The following LARS2 variants were observed in gnomAD, a reference collection of about 807,000 sequenced individuals.
LARS2 encodes leucyl-tRNA synthetase 2, mitochondrial.
In LARS2, 81 loss-of-function variants were observed where a neutral mutation model predicts 116.6. That is an observed-to-expected ratio of 0.69 (90% CI 0.58 to 0.84). The LOEUF (loss-of-function observed/expected upper bound fraction) is 0.84. Among genes scored for constraint, LARS2 ranks in the 40% least tolerant of loss-of-function variants. The probability of loss-of-function intolerance (pLI) is 0.00; values close to 1 mark genes in which losing one functional copy is unlikely to be tolerated. For missense variants in LARS2, 968 were observed against 1,114.5 expected (o/e 0.87, Z 1.87); for synonymous variants, 396 against 407.2 (o/e 0.97, Z 0.33).
At chr3:45,526,909 T>G (rs1339383488) in intron 20 of LARS2, among the ~76,000 whole-genome samples, 3 of 152,162 alleles carry the variant, frequency 2.0e-5, no homozygotes, top group Non-Finnish European at 4.4e-5. Context: ...GAAAATAAGA[T>G]AAATGCAACA....
At chr3:45,492,774 T>G (rs1361731949) in intron 13 of LARS2, among the ~76,000 whole-genome samples, 1 of 152,180 alleles carries the variant, frequency 6.6e-6, no homozygotes, top group Non-Finnish European at 1.5e-5. Flanking sequence ...CTTCAATAAA[T>G]AGAAACTTTA....
intron 20 of LARS2, among the ~76,000 whole-genome samples, chr3:45,533,276 G>A (rs1428528827): frequency 4.1e-5 from 6 of 147,138 alleles, no homozygotes; most frequent in Admixed American, 7.0e-5. Context: ...TCAGCCTCCT[G>A]AGTAGCTGGG....
chr3:45,461,722 G>T (rs373550927), intron 8 of LARS2, among the ~76,000 whole-genome samples: 4 of 152,146 alleles, frequency 2.6e-5, no homozygotes, highest in Admixed American at 1.3e-4. Context: ...AAGTGAGTAG[G>T]TTAGAAAAAT....
chr3:45,530,562 T>C (rs1391076906), intron 20 of LARS2, among the ~76,000 whole-genome samples: 4 of 152,174 alleles, frequency 2.6e-5, no homozygotes, highest in Non-Finnish European at 5.9e-5. Context: ...CATGACTTAG[T>C]GTGTCTAACA....
At position 45,518,017 on chromosome 3, in the gene LARS2, A is replaced by G. The variant is rs762960792; in HGVS notation, c.2159A>G (p.Lys720Arg). Residue 720 changes from lysine to arginine, a missense_variant, in exon 18 of 22, where the codon AAG (lysine) becomes AGG (arginine). Physicochemically the swap from Lys to Arg is conservative, Grantham distance 26. Coordinates refer to ENST00000645846, the MANE Select transcript of LARS2 (RefSeq NM_015340.4). ...KSPQPQLLSN[K>R]EKAEARKLWE... The stretch of plus-strand genomic sequence containing the variant: ...CCCCAGCCTCAGCTGCTGAGTAACA[A>G]GGAGAAAGCTGAGGCCAGGAAGCTC... The G allele has an allele frequency of 1.9e-6, 3 of 1,613,890 alleles. No homozygotes were observed. Among genetic ancestry groups the G allele is most frequent in the Non-Finnish European group, 1.7e-6 (2 of 1,179,822 alleles).
intron 13 of LARS2, among the ~76,000 whole-genome samples, chr3:45,494,932 A>G (rs1438664785): frequency 6.6e-6 from 1 of 152,144 alleles, no homozygotes; most frequent in East Asian, 1.9e-4. Context: ...GCCGGGCATC[A>G]TGGCATGCAC....
intron 6 of LARS2, among the ~76,000 whole-genome samples, chr3:45,426,979 G>A (rs1340893918): frequency 6.6e-6 from 1 of 152,314 alleles, no homozygotes; most frequent in African/African-American, 2.4e-5. Context: ...CAGTTTTGGT[G>A]ATGGATCTGG....
At chr3:45,503,774 T>G (rs1354448141) in intron 15 of LARS2, among the ~76,000 whole-genome samples, 1 of 152,044 alleles carries the variant, frequency 6.6e-6, no homozygotes, top group Non-Finnish European at 1.5e-5. Context: ...AAATATCTGA[T>G]TATTTCCCTA....
rs984832026 is a variant in LARS2, at chr3:45,540,861, C to T, written c.2405-968C>T. ...ACTGCAGTGGGGGAATCATAGCTCACTACAGCCTCAAACTCCTGGGCTCAA... is the reference window on the plus strand; with the variant it reads ...ACTGCAGTGGGGGAATCATAGCTCATTACAGCCTCAAACTCCTGGGCTCAA... On this transcript the variant is annotated intron_variant, in intron 20 of 21. Transcript: ENST00000645846. Among the ~76,000 whole-genome samples, 10 of 152,140 alleles carry T rather than the reference C, an allele frequency of 6.6e-5. No homozygotes were observed. The East Asian group carries it at 1.3e-3, about 20-fold the overall frequency.
chr3:45,447,100 A>G, intron 7 of LARS2, 120 bp downstream of exon 7: 6 of 590,254 alleles, frequency 1.0e-5, no homozygotes, highest in Non-Finnish European at 1.8e-5. Flanking sequence ...CAGACCCAGA[A>G]CGTAACTACT....
intron 20 of LARS2, among the ~76,000 whole-genome samples, chr3:45,530,672 A>G (rs1470536788): frequency 6.6e-6 from 1 of 152,220 alleles, no homozygotes; most frequent in African/African-American, 2.4e-5. Context: ...GAATCTATTT[A>G]AGACTCTTGA....
At chr3:45,390,244 A>G (rs1264804278) in intron 1 of LARS2, among the ~76,000 whole-genome samples, 1 of 152,146 alleles carries the variant, frequency 6.6e-6, no homozygotes, top group Non-Finnish European at 1.5e-5. Context: ...TATTAACTAT[A>G]TGTCCTCTTT....
intron 15 of LARS2, among the ~76,000 whole-genome samples, chr3:45,502,783 G>GT (rs774994024): frequency 2.2e-4 from 33 of 151,926 alleles, no homozygotes; most frequent in African/African-American, 6.7e-4. Context: ...CATTCTTTGA[G>GT]TTTTTTTATT....
At chr3:45,424,697 G>T (rs917420943) in intron 6 of LARS2, among the ~76,000 whole-genome samples, 2 of 152,052 alleles carry the variant, frequency 1.3e-5, no homozygotes, top group Non-Finnish European at 2.9e-5. Flanking sequence ...CTTTGCCCTT[G>T]CCATTTTCCA....
intron 2 of LARS2, among the ~76,000 whole-genome samples, chr3:45,393,545 A>G (rs988735570): frequency 3.9e-5 from 6 of 152,142 alleles, no homozygotes; most frequent in Middle Eastern, 3.2e-3. Flanking sequence ...ATTGCACTTC[A>G]GCCTGGGCAA....
At chr3:45,525,727 T>G (rs1432927409) in intron 20 of LARS2, among the ~76,000 whole-genome samples, 1 of 152,186 alleles carries the variant, frequency 6.6e-6, no homozygotes, top group East Asian at 1.9e-4. Flanking sequence ...AAACCAAGCT[T>G]TTGCAACTCC....
intron 12 of LARS2, among the ~76,000 whole-genome samples, chr3:45,489,709 A>G (rs932344734): frequency 6.6e-6 from 1 of 152,198 alleles, no homozygotes; most frequent in African/African-American, 2.4e-5. Context: ...GAGCACTCTT[A>G]AACTTAACTG....
At chr3:45,513,986 A>G (rs552879218) in intron 16 of LARS2, among the ~76,000 whole-genome samples, 1 of 152,266 alleles carries the variant, frequency 6.6e-6, no homozygotes, top group African/African-American at 2.4e-5. Context: ...CAGGTGGATC[A>G]CCTGAGGTCA....
At chr3:45,502,458 C>A (rs62243387) in intron 15 of LARS2, among the ~76,000 whole-genome samples, 38,626 of 152,014 alleles carry the variant, frequency 0.25, 6,526 homozygotes, top group Non-Finnish European at 0.34. Context: ...AATAGTCCAT[C>A]CTTTTCCCCA....
Sources: gnomAD v4.1 joint callset for allele counts (sites outside exome capture counted in the v4.1 genomes callset) on GRCh38, gnomAD v4.1.1 for gene constraint, MANE v1.5 for transcripts, NCBI Gene and HGNC (gene_info 2026-07-23, HGNC 2026-07-21) for gene names.